The following SERPINI1 variants were observed in gnomAD, a reference collection of about 807,000 sequenced individuals.
SERPINI1 encodes the protein serpin family I member 1.
SERPINI1 carries 19 observed loss-of-function variants against 41.1 expected under a neutral mutation model. The ratio of observed to expected loss-of-function variants is 0.46; its 90% CI spans 0.32 to 0.68. The LOEUF (loss-of-function observed/expected upper bound fraction) is 0.68. SERPINI1 is among the 30% of genes least tolerant of loss of function. SERPINI1 has a pLI of 0.03. For missense variants in SERPINI1, 460 were observed against 479.2 expected, an observed-to-expected ratio of 0.96 and a Z score of 0.37; for synonymous variants, 138 against 156.6, an observed-to-expected ratio of 0.88 and a Z score of 0.89.
chr3:167,752,998 C>A (rs1726091278), intron 1 of SERPINI1, among the ~76,000 whole-genome samples: 1 of 152,150 alleles, frequency 6.6e-6, no homozygotes, highest in African/African-American at 2.4e-5. Context: ...ACACAGTTTT[C>A]AACTAGGTGC....
intron 1 of SERPINI1, among the ~76,000 whole-genome samples, chr3:167,784,738 T>G (rs560410756): frequency 6.6e-6 from 1 of 152,192 alleles, no homozygotes; most frequent in African/African-American, 2.4e-5. Flanking sequence ...CCTCATGATC[T>G]AATTACCTCC....
At chr3:167,792,447 G>T in intron 3 of SERPINI1, 143 bp from the exon 4 acceptor site, 2 of 634,264 alleles carry the variant, frequency 3.2e-6, no homozygotes, top group African/African-American at 1.9e-5. Flanking sequence ...CCCTTTGGAA[G>T]TAAGATACTT....
chr3:167,790,558 C>T lies in SERPINI1; in HGVS notation c.437C>T (p.Ala146Val), dbSNP rs1252039376. 3 of 1,613,702 alleles carry T rather than the reference C, an allele frequency of 1.9e-6. No individual in the cohort carries two copies. The highest frequency in any genetic ancestry group is 1.1e-5 in the South Asian group (1 of 91,080). ...VNHVDFSQNV[A>V]VANYINKWVE... ...CATGTGGACTTCAGTCAAAATGTAG[C>T]CGTGGCCAACTACATCAATAAGTGG... Residue 146 changes from alanine to valine, a missense_variant, in exon 3 of 9, where the codon GCC becomes GTC. Physicochemically the swap from Ala to Val is moderately conservative, Grantham distance 64 (BLOSUM62 0). Transcript: ENST00000446050.
At chr3:167,747,635 C>G (rs1252326935) in intron 1 of SERPINI1, among the ~76,000 whole-genome samples, 1 of 148,552 alleles carries the variant, frequency 6.7e-6, no homozygotes, top group East Asian at 1.9e-4. Flanking sequence ...CAGAGCGAGA[C>G]TACGTCTCAA....
intron 1 of SERPINI1, among the ~76,000 whole-genome samples, chr3:167,756,967 C>T (rs770449324): frequency 6.6e-6 from 1 of 152,156 alleles, no homozygotes; most frequent in Non-Finnish European, 1.5e-5. Flanking sequence ...GGTTTTCTGC[C>T]TGTAGGGAAT....
intron 5 of SERPINI1, 135 bp from the exon 6 acceptor site, chr3:167,807,109 G>A (rs1224281180): frequency 4.5e-6 from 3 of 661,008 alleles, no homozygotes; most frequent in Non-Finnish European, 8.3e-6. Context: ...AATGCTAATT[G>A]CAGTCAAAAG....
intron 5 of SERPINI1, among the ~76,000 whole-genome samples, chr3:167,799,841 C>A (rs1386372916): frequency 2.0e-5 from 3 of 152,082 alleles, no homozygotes; most frequent in African/African-American, 7.2e-5. Flanking sequence ...ACATAAATGT[C>A]TTCTTTTGAG....
At chr3:167,750,776 G>T (rs1475372468) in intron 1 of SERPINI1, among the ~76,000 whole-genome samples, 8 of 152,092 alleles carry the variant, frequency 5.3e-5, no homozygotes, top group Non-Finnish European at 2.9e-5. Context: ...GTTTGCATTT[G>T]TTTCCAGCCA....
chr3:167,766,480 A>G (rs1187191032), intron 1 of SERPINI1, among the ~76,000 whole-genome samples: 1 of 152,218 alleles, frequency 6.6e-6, no homozygotes, highest in Non-Finnish European at 1.5e-5. Flanking sequence ...CTCTCCCACA[A>G]CACGTGGGAA....
chr3:167,750,662 C>T (rs979331408), intron 1 of SERPINI1, among the ~76,000 whole-genome samples: 2 of 152,072 alleles, frequency 1.3e-5, no homozygotes, highest in African/African-American at 4.8e-5. Flanking sequence ...ATTTTTATGA[C>T]AATCGTATGA....
chr3:167,822,795 G>T (rs1384051381), intron 6 of SERPINI1, 191 bp from the exon 7 acceptor site: 5 of 519,358 alleles, frequency 9.6e-6, no homozygotes, highest in African/African-American at 5.7e-5. Flanking sequence ...ATTAGCAAAA[G>T]AATATAAAAT....
chr3:167,793,596 A>ATATATATTT, intron 4 of SERPINI1, among the ~76,000 whole-genome samples: 5 of 140,610 alleles, frequency 3.6e-5, no homozygotes, highest in Non-Finnish European at 7.6e-5. Context: ...ATATATATAT[A>ATATATATTT]TTTTTAATTA....
At chr3:167,786,089 TG>T (rs1727295168) in intron 1 of SERPINI1, among the ~76,000 whole-genome samples, 1 of 152,234 alleles carries the variant, frequency 6.6e-6, no homozygotes, top group Non-Finnish European at 1.5e-5. Flanking sequence ...GTTACTGTAC[TG>T]AATATGGTAG....
chr3:167,812,718 G>A (rs2055028), intron 6 of SERPINI1, among the ~76,000 whole-genome samples: 123,752 of 152,180 alleles, frequency 0.81, 50,545 homozygotes, highest in East Asian at 0.97. Context: ...TGAGATGCTC[G>A]ATATTTATTA....
chr3:167,748,325 G>A (rs575364183), intron 1 of SERPINI1, among the ~76,000 whole-genome samples: 2 of 152,206 alleles, frequency 1.3e-5, no homozygotes, highest in East Asian at 1.9e-4. Flanking sequence ...GTTTTAAAAT[G>A]TAAGGCAGCT....
chr3:167,759,399 G>GATAT (rs1364573755), intron 1 of SERPINI1, among the ~76,000 whole-genome samples: 3 of 81,620 alleles, frequency 3.7e-5, no homozygotes, highest in Middle Eastern at 4.6e-3. Flanking sequence ...AAGAAAATGT[G>GATAT]GTATATATAT....
chr3:167,768,928 T>G (rs1339320606), intron 1 of SERPINI1, among the ~76,000 whole-genome samples: 4 of 152,336 alleles, frequency 2.6e-5, no homozygotes, highest in African/African-American at 9.6e-5. Flanking sequence ...TTATGGCTTC[T>G]TCCTAAAGCC....
intron 1 of SERPINI1, among the ~76,000 whole-genome samples, chr3:167,757,863 G>A (rs2108538285): frequency 6.6e-6 from 1 of 152,248 alleles, no homozygotes; most frequent in Middle Eastern, 3.4e-3. Context: ...AGATTGCAGT[G>A]AGCCGAGATC....
In SERPINI1 at chr3:167,790,412, A is replaced by G. The variant is rs1727463567; in HGVS notation, c.291A>G (p.Val97=). The change falls in exon 3 of 9, where the codon GTA becomes GTG. Residue 97 remains valine, a synonymous_variant. Transcript: ENST00000446050. ...FSFLKEFSNM[V]TAKESQYVMK... ...TCTTGAAGGAGTTTTCAAACATGGT[A>G]ACTGCTAAAGAGAGCCAATATGTGA... is the stretch of plus-strand genomic sequence containing the variant. 1 of 1,613,918 alleles carries G rather than the reference A, an allele frequency of 6.2e-7. No individual in the cohort carries two copies. The highest frequency in any genetic ancestry group is 1.1e-5 in the South Asian group (1 of 91,070).
Sources: allele counts gnomAD v4.1 joint callset (sites outside exome capture counted in the v4.1 genomes callset), GRCh38; gene constraint gnomAD v4.1.1; transcripts MANE v1.5; gene names NCBI Gene and HGNC (gene_info 2026-07-23, HGNC 2026-07-21).